The following CAPN3 variants were observed in gnomAD, a reference collection of about 807,000 sequenced individuals.
The protein encoded by CAPN3 is calpain 3.
Under a neutral mutation model 114.0 loss-of-function variants are expected in CAPN3, and 88 were observed. That is an observed-to-expected ratio of 0.77 (90% CI 0.65 to 0.92). The LOEUF (loss-of-function observed/expected upper bound fraction) is 0.92, where lower values mean the gene tolerates loss of function less well. CAPN3 is among the 40% of genes least tolerant of loss of function. CAPN3 has a pLI of 0.00. For synonymous variants in CAPN3, 386 were observed against 382.9 expected, an observed-to-expected ratio of 1.01 and a Z score of -0.09; for missense variants, 1,028 against 1,069.0, an observed-to-expected ratio of 0.96 and a Z score of 0.53.
At chr15:42,395,962 A>T (rs941138140) in intron 8 of CAPN3, among the ~76,000 whole-genome samples, 18 of 152,220 alleles carry the variant, frequency 1.2e-4, no homozygotes, top group African/African-American at 4.3e-4. Context: ...CTTTAGAAGC[A>T]CAATGCTTGA....
chr15:42,375,381 T>C (rs2053063136), intron 1 of CAPN3, among the ~76,000 whole-genome samples: 1 of 152,116 alleles, frequency 6.6e-6, no homozygotes, highest in African/African-American at 2.4e-5. Flanking sequence ...CCTTACGGGA[T>C]GAAGCAGTTT....
At chr15:42,396,699 C>T in intron 8 of CAPN3, 101 bp from the exon 9 acceptor site, 1 of 902,196 alleles carries the variant, frequency 1.1e-6, no homozygotes, top group Non-Finnish European at 1.8e-6. Flanking sequence ...TGGTAGTTCA[C>T]AGCAGCTGCA....
At chr15:42,384,257 C>G (rs1054537418) in intron 1 of CAPN3, among the ~76,000 whole-genome samples, 2 of 152,164 alleles carry the variant, frequency 1.3e-5, no homozygotes, top group African/African-American at 2.4e-5. Context: ...ACTAAAGATA[C>G]AAAAATTAGC....
intron 7 of CAPN3, 78 bp downstream of exon 7, chr15:42,392,800 C>T: frequency 8.4e-7 from 1 of 1,187,710 alleles, no homozygotes; most frequent in Non-Finnish European, 1.2e-6. Context: ...GCTGTTGGGG[C>T]CCCTTCCCTG....
At chr15:42,405,302 T>A (rs539929677) in intron 14 of CAPN3, among the ~76,000 whole-genome samples, 2 of 152,322 alleles carry the variant, frequency 1.3e-5, no homozygotes, top group South Asian at 2.1e-4. Flanking sequence ...TTCATTTTTT[T>A]ATTATTTATT....
intron 1 of CAPN3, among the ~76,000 whole-genome samples, chr15:42,362,917 A>G (rs1448319324): frequency 6.6e-6 from 1 of 152,218 alleles, no homozygotes; most frequent in Non-Finnish European, 1.5e-5. Context: ...ACAGGTGAGT[A>G]AAGGCCTTCC....
intron 1 of CAPN3, among the ~76,000 whole-genome samples, chr15:42,381,535 C>G (rs745896865): frequency 3.3e-5 from 5 of 151,956 alleles, no homozygotes; most frequent in Non-Finnish European, 7.4e-5. Flanking sequence ...TCATCAGGTA[C>G]TTTGTTGGGT....
chr15:42,379,882 C>G (rs1365528703), intron 1 of CAPN3, among the ~76,000 whole-genome samples: 1 of 152,082 alleles, frequency 6.6e-6, no homozygotes, highest in Non-Finnish European at 1.5e-5. Context: ...TTTGGGAGGC[C>G]AAGGCGAGCA....
rs772180738 is a variant in CAPN3, at chr15:42,403,737, A to G, written c.1746-4A>G. 9 of 1,613,662 alleles carry G rather than the reference A, an allele frequency of 5.6e-6. No homozygotes were observed. The highest frequency in any genetic ancestry group is 7.6e-6 in the Non-Finnish European group (9 of 1,179,720). On this transcript the variant is annotated splice_polypyrimidine_tract_variant and splice_region_variant and intron_variant, in intron 13 of 23. Coordinates refer to ENST00000397163, the MANE Select transcript of CAPN3 (RefSeq NM_000070.3). ...GAGACCCCACATGTCTGTATTCCTC[A>G]CAGGGAAGTTGAAAATACCATCTCC...
intron 1 of CAPN3, among the ~76,000 whole-genome samples, chr15:42,362,233 G>A (rs902856480): frequency 1.3e-5 from 2 of 152,244 alleles, no homozygotes; most frequent in Admixed American, 6.5e-5. Flanking sequence ...GGGCAACATA[G>A]TGAGACCCTA....
At chr15:42,373,172 G>T (rs8040726) in intron 1 of CAPN3, among the ~76,000 whole-genome samples, 6,390 of 152,192 alleles carry the variant, frequency 0.042, 416 homozygotes, top group African/African-American at 0.13. Flanking sequence ...CAGCCTGGGT[G>T]ACAGAGCAAG....
At chr15:42,374,987 A>AT (rs1175653109) in intron 1 of CAPN3, among the ~76,000 whole-genome samples, 2 of 28,710 alleles carry the variant, frequency 7.0e-5, no homozygotes, top group African/African-American at 5.9e-4. Flanking sequence ...TTAAATAAAA[A>AT]TTTATTTATT....
chr15:42,404,553 G>GT (rs2053966547), intron 14 of CAPN3, among the ~76,000 whole-genome samples: 1 of 152,182 alleles, frequency 6.6e-6, no homozygotes, highest in African/African-American at 2.4e-5. Context: ...CCAGACTTAG[G>GT]TTTTTCCGCA....
In CAPN3 at chr15:42,392,605, G is replaced by A. The variant is rs139297309; in HGVS notation, c.946-34G>A. ...CAAGCAGCAGAACTTCTGTTCCCCC[G>A]CCCCTAATGGGTTCTCTGGTTACTG... On this transcript the variant is annotated intron_variant, in intron 6 of 23. Transcript: ENST00000397163. 1.3e-4 allele frequency: 196 copies of A among 1,541,956 alleles called. 1 individual carries two copies. Among genetic ancestry groups the A allele is most frequent in the East Asian group, 1.2e-3 (54 of 44,404 alleles).
At chr15:42,360,683 T>C (rs1270958677) in intron 1 of CAPN3, among the ~76,000 whole-genome samples, 1 of 152,220 alleles carries the variant, frequency 6.6e-6, no homozygotes, top group Non-Finnish European at 1.5e-5. Context: ...CAATCGCTTT[T>C]GTCCACCTAC....
intron 8 of CAPN3, 103 bp downstream of exon 8, chr15:42,394,444 A>G (rs1326111091): frequency 4.4e-6 from 4 of 917,992 alleles, no homozygotes; most frequent in Non-Finnish European, 6.9e-6. Flanking sequence ...TGCTTGGTAT[A>G]AAATCACCCT....
intron 13 of CAPN3, 34 bp downstream of exon 13, chr15:42,403,036 A>G: frequency 1.9e-6 from 3 of 1,577,436 alleles, no homozygotes; most frequent in Non-Finnish European, 2.6e-6. Flanking sequence ...ACGTGTTTCT[A>G]AAAGCTCACA....
intron 16 of CAPN3, chr15:42,409,046 CTG>C: frequency 2.0e-6 from 1 of 511,706 alleles, no homozygotes; most frequent in Non-Finnish European, 3.5e-6. Flanking sequence ...CAGGTGGGGA[CTG>C]GGGTGGCGGG....
At chr15:42,377,656 G>T (rs1043232584) in intron 1 of CAPN3, among the ~76,000 whole-genome samples, 1 of 152,062 alleles carries the variant, frequency 6.6e-6, no homozygotes, top group Non-Finnish European at 1.5e-5. Flanking sequence ...TTACTGGCTT[G>T]CATATTAGGA....
Sources: gnomAD v4.1 joint callset for allele counts (sites outside exome capture counted in the v4.1 genomes callset) on GRCh38, gnomAD v4.1.1 for gene constraint, MANE v1.5 for transcripts, NCBI Gene and HGNC (gene_info 2026-07-23, HGNC 2026-07-21) for gene names.